CREB5: variants seen among roughly 807,000 people sequenced by gnomAD.
CREB5 encodes cyclic AMP-responsive element-binding protein 5.
CREB5 carries 19 observed loss-of-function variants against 57.1 expected under a neutral mutation model. The observed-to-expected ratio is 0.33, with a 90% CI of 0.23 to 0.49. The LOEUF is 0.49. Ranked by LOEUF, CREB5 falls within the 20% of genes least tolerant of loss-of-function variation. The pLI, the probability that CREB5 is intolerant of heterozygous loss-of-function variation, is 0.99. For missense variants in CREB5, 579 were observed against 671.6 expected (o/e 0.86, Z 1.52); for synonymous variants, 238 against 238.3 (o/e 1.00, Z 0.01).
chr7:28,664,680 ATGCCGTCTG>A (rs1410947311), intron 5 of CREB5, among the ~76,000 whole-genome samples: 15 of 152,206 alleles, frequency 9.9e-5, no homozygotes. Flanking sequence ...CTATTTCAGC[ATGCCGTCTG>A]TTTTTTTCCA....
upstream of CREB5, chr7:28,409,860 A>G: frequency 4.4e-6 from 2 of 453,260 alleles, no homozygotes; most frequent in East Asian, 7.1e-5. This position sits in a 1 kb window ranked among gnomAD's most constrained non-coding sequence, Gnocchi z 4.4. Context: ...TGACGCGGGG[A>G]CCAGTTATGA....
chr7:28,523,750 C>A (rs1271657426), intron 4 of CREB5, among the ~76,000 whole-genome samples: 1 of 152,234 alleles, frequency 6.6e-6, no homozygotes, highest in Non-Finnish European at 1.5e-5. Context: ...TCATCTTTGA[C>A]CGAATCTAAT....
chr7:28,347,761 T>G (rs1786091443), intron 1 of CREB5, among the ~76,000 whole-genome samples: 1 of 152,228 alleles, frequency 6.6e-6, no homozygotes, highest in Non-Finnish European at 1.5e-5. Context: ...TGCATGAGTC[T>G]GTTGTTCATG....
intron 1 of CREB5, among the ~76,000 whole-genome samples, chr7:28,463,484 TA>T (rs1790435496): frequency 6.6e-6 from 1 of 152,200 alleles, no homozygotes; most frequent in African/African-American, 2.4e-5. Context: ...GGATTTTGTT[TA>T]AGATTGTGCT....
intron 7 of CREB5, among the ~76,000 whole-genome samples, chr7:28,801,816 G>A (rs1040626073): frequency 1.3e-5 from 2 of 152,056 alleles, no homozygotes; most frequent in East Asian, 1.9e-4. Context: ...GCCGGGTGTG[G>A]TGGCTCACGC....
chr7:28,638,885 G>T (rs73081857), intron 5 of CREB5, among the ~76,000 whole-genome samples: 28,963 of 152,082 alleles, frequency 0.19, 3,186 homozygotes, highest in East Asian at 0.37. Context: ...AGAGTACTTT[G>T]TATACTTCTT....
chr7:28,748,623 A>G (rs73306989), intron 7 of CREB5, among the ~76,000 whole-genome samples: 1 of 152,222 alleles, frequency 6.6e-6, no homozygotes, highest in South Asian at 2.1e-4. Context: ...GAGAGACTTC[A>G]GTATCTGTGG....
intron 7 of CREB5, among the ~76,000 whole-genome samples, chr7:28,758,200 G>A (rs903363421): frequency 1.3e-5 from 2 of 152,268 alleles, no homozygotes; most frequent in South Asian, 2.1e-4. Context: ...ACCTACTAAC[G>A]AGTCAATGGC....
intron 5 of CREB5, among the ~76,000 whole-genome samples, chr7:28,611,793 C>T (rs1797399544): frequency 6.6e-6 from 1 of 151,960 alleles, no homozygotes; most frequent in Non-Finnish European, 1.5e-5. Context: ...GGTGATGAAA[C>T]TGTTCTATAT....
chr7:28,610,397 C>A lies in CREB5; in HGVS notation c.464+39860C>A, dbSNP rs930198213. ...ACCATCCTGAGTGACTATATACTTG[C>A]CAAATACTGCTGTGTAAAGGCAGCT... On this transcript the variant is annotated intron_variant, in intron 5 of 10. Transcript: ENST00000357727. 2.0e-5 allele frequency among the ~76,000 whole-genome samples: 3 copies of A among 152,104 alleles called. 1 individual carries two copies. The highest frequency in any genetic ancestry group is 4.4e-5 in the Non-Finnish European group (3 of 68,010).
chr7:28,671,682 A>G (rs891503280), intron 5 of CREB5, among the ~76,000 whole-genome samples: 9 of 152,206 alleles, frequency 5.9e-5, no homozygotes, highest in Middle Eastern at 3.2e-3. Flanking sequence ...AGAAAAAGCA[A>G]CAAGGTGTGG....
chr7:28,507,813 T>A, intron 4 of CREB5, 76 bp downstream of exon 4: 1 of 1,461,532 alleles, frequency 6.8e-7, no homozygotes, highest in South Asian at 1.5e-5. Flanking sequence ...GGCACTGCAC[T>A]GCAGATTGTG....
At position 28,586,922 on chromosome 7, in the gene CREB5, A is replaced by G. The variant is rs34319941; in HGVS notation, c.464+16385A>G. Among the ~76,000 whole-genome samples, 558 of 152,348 alleles carry G rather than the reference A, an allele frequency of 3.7e-3. 2 individuals carry two copies. Among genetic ancestry groups the G allele is most frequent in the Non-Finnish European group, 6.4e-3 (434 of 68,032 alleles). On this transcript the variant is annotated intron_variant, in intron 5 of 10. Coordinates refer to ENST00000357727, the MANE Select transcript of CREB5 (RefSeq NM_182898.4). Reference sequence around the variant, plus strand: ...GCCTGGCTCAGAAGGGCTGCGGACCAGAGTGTCCTGGCAGCATCCCACAGG... The same window carrying G: ...GCCTGGCTCAGAAGGGCTGCGGACCGGAGTGTCCTGGCAGCATCCCACAGG...
chr7:28,560,921 T>TGTGCGTGTGTGTGC (rs1795180804), intron 4 of CREB5, among the ~76,000 whole-genome samples: 1 of 40,568 alleles, frequency 2.5e-5, no homozygotes, highest in Non-Finnish European at 4.6e-5. Flanking sequence ...TGTGCGTGTG[T>TGTGCGTGTGTGTGC]GCGCGTGCGT....
At chr7:28,463,203 C>T (rs1052373675) in intron 1 of CREB5, among the ~76,000 whole-genome samples, 2 of 152,016 alleles carry the variant, frequency 1.3e-5, no homozygotes, top group Non-Finnish European at 2.9e-5. Context: ...TCTTTCATTG[C>T]ATGATCTTGG....
intron 5 of CREB5, among the ~76,000 whole-genome samples, chr7:28,618,034 G>A (rs73684216): frequency 1.3e-5 from 2 of 152,158 alleles, no homozygotes; most frequent in Non-Finnish European, 2.9e-5. Context: ...AAAGCTTTAT[G>A]AGAACGTGAT....
At chr7:28,637,545 G>T (rs890116755) in intron 5 of CREB5, among the ~76,000 whole-genome samples, 1 of 152,162 alleles carries the variant, frequency 6.6e-6, no homozygotes, top group Non-Finnish European at 1.5e-5. Context: ...GGGAGGGAGA[G>T]ATGGTTTAGA....
At chr7:28,628,129 C>G (rs1307628994) in intron 5 of CREB5, among the ~76,000 whole-genome samples, 1 of 151,930 alleles carries the variant, frequency 6.6e-6, no homozygotes, top group Non-Finnish European at 1.5e-5. Context: ...TACGGTATTG[C>G]CCAACAGGAT....
chr7:28,380,088 T>C (rs1350327600), intron 1 of CREB5, among the ~76,000 whole-genome samples: 1 of 151,658 alleles, frequency 6.6e-6, no homozygotes, highest in Non-Finnish European at 1.5e-5. Context: ...TAGGTGATTC[T>C]GATGCATGCT....
Sources: allele counts gnomAD v4.1 joint callset (sites outside exome capture counted in the v4.1 genomes callset), GRCh38; gene constraint gnomAD v4.1.1; non-coding constraint Gnocchi (gnomAD v3.1); transcripts MANE v1.5; gene names NCBI Gene and HGNC (gene_info 2026-07-23, HGNC 2026-07-21).